The following ZNF236 variants were observed in gnomAD, a reference collection of about 807,000 sequenced individuals.
ZNF236 encodes the protein regulated by glucose.
A neutral mutation model predicts 191.2 loss-of-function variants in ZNF236; 50 were observed. The observed-to-expected ratio is 0.26, with a 90% confidence interval of 0.21 to 0.33. ZNF236 has a LOEUF of 0.33. Ranked by LOEUF, ZNF236 falls within the 10% of genes least tolerant of loss-of-function variation. The pLI, the probability that ZNF236 is intolerant of heterozygous loss-of-function variation, is 1.00. For synonymous variants in ZNF236, 907 were observed against 928.8 expected (o/e 0.98, Z 0.43); for missense variants, 1,754 against 2,374.5 (o/e 0.74, Z 5.43).
chr18:76,834,219 T>C (rs1178231930), intron 1 of ZNF236, among the ~76,000 whole-genome samples: 2 of 152,106 alleles, frequency 1.3e-5, no homozygotes, highest in Non-Finnish European at 2.9e-5. Flanking sequence ...GAGATTGTGC[T>C]TTTTCTTATT....
At chr18:76,940,850 A>G (rs1213372300) in intron 26 of ZNF236, among the ~76,000 whole-genome samples, 1 of 152,224 alleles carries the variant, frequency 6.6e-6, no homozygotes, top group East Asian at 1.9e-4. Flanking sequence ...CAGGCCGCAC[A>G]GCAGGGGTGA....
At chr18:76,958,568 G>A (rs1968581795) in intron 28 of ZNF236, among the ~76,000 whole-genome samples, 2 of 152,180 alleles carry the variant, frequency 1.3e-5, no homozygotes, top group African/African-American at 2.4e-5. Context: ...AGAAACAGGC[G>A]GCTCCATCCT....
intron 3 of ZNF236, among the ~76,000 whole-genome samples, chr18:76,853,609 G>A (rs1027804777): frequency 2.0e-5 from 3 of 152,140 alleles, no homozygotes; most frequent in African/African-American, 7.2e-5. Context: ...TAGGGGGATT[G>A]GGGAGCTGTT....
At chr18:76,866,712 T>C (rs930404775) in intron 3 of ZNF236, among the ~76,000 whole-genome samples, 30 of 152,154 alleles carry the variant, frequency 2.0e-4, no homozygotes, top group African/African-American at 5.8e-4. Flanking sequence ...ATGTTAACTC[T>C]GTATGGAGGG....
At chr18:76,876,711 T>C (rs1190270366) in intron 6 of ZNF236, among the ~76,000 whole-genome samples, 1 of 152,140 alleles carries the variant, frequency 6.6e-6, no homozygotes, top group Admixed American at 6.5e-5. Context: ...AAGAATAAAT[T>C]TGGGCTGTTG....
intron 5 of ZNF236, among the ~76,000 whole-genome samples, chr18:76,873,101 TGTAGA>T (rs55711467): frequency 0.24 from 35,765 of 151,918 alleles, 5,225 homozygotes; most frequent in East Asian, 0.32. Context: ...ACATTGTGTC[TGTAGA>T]GTATTCAGCT....
chr18:76,895,395 C>A, intron 10 of ZNF236, 110 bp downstream of exon 10: 1 of 1,408,388 alleles, frequency 7.1e-7, no homozygotes, highest in Non-Finnish European at 9.7e-7. Flanking sequence ...ACAGGTACTG[C>A]ACACAAGTAC....
intron 5 of ZNF236, among the ~76,000 whole-genome samples, chr18:76,874,648 A>G (rs1212104050): frequency 1.3e-5 from 2 of 152,262 alleles, no homozygotes; most frequent in East Asian, 3.9e-4. Context: ...TTTTAATGTT[A>G]AATGGAATGG....
At chr18:76,948,978 T>C (rs1180013434) in intron 27 of ZNF236, among the ~76,000 whole-genome samples, 1 of 152,226 alleles carries the variant, frequency 6.6e-6, no homozygotes, top group Non-Finnish European at 1.5e-5. Flanking sequence ...CAGGGGCTTA[T>C]GGGTGATGCT....
rs745463042 is a variant in ZNF236 at position 76,912,722 on chromosome 18, C to T, written c.2909+375C>T. Reference sequence around the variant, plus strand: ...GCTTTACATATAACAATCTGTGTACCAGGATACAGCACAATTAGAAAGACA... The same window carrying T: ...GCTTTACATATAACAATCTGTGTACTAGGATACAGCACAATTAGAAAGACA... On this transcript the variant is annotated intron_variant, in intron 17 of 30. Coordinates refer to ENST00000320610, the MANE Select transcript of ZNF236 (RefSeq NM_001306089.2). Among the ~76,000 whole-genome samples, 3 of 152,122 alleles carry T rather than the reference C, an allele frequency of 2.0e-5. 1 individual carries two copies. The highest frequency in any genetic ancestry group is 4.8e-5 in the African/African-American group (2 of 41,418).
At chr18:76,948,615 A>G (rs1968327353) in intron 27 of ZNF236, among the ~76,000 whole-genome samples, 1 of 152,214 alleles carries the variant, frequency 6.6e-6, no homozygotes, top group Non-Finnish European at 1.5e-5. Context: ...GAACCCAGGC[A>G]CGAGCTTCCC....
chr18:76,926,220 A>G (rs1053959691), intron 22 of ZNF236, among the ~76,000 whole-genome samples: 2 of 152,162 alleles, frequency 1.3e-5, no homozygotes, highest in Non-Finnish European at 2.9e-5. Context: ...TGTATGGTAT[A>G]AAGTGTATCT....
At chr18:76,881,185 A>G in intron 8 of ZNF236, 99 bp from the exon 9 acceptor site, 4 of 1,002,278 alleles carry the variant, frequency 4.0e-6, no homozygotes, top group Non-Finnish European at 4.4e-6. Context: ...TATTTCTTGG[A>G]GTGGAATTAG....
chr18:76,828,633 A>C (rs1257340952), intron 1 of ZNF236, among the ~76,000 whole-genome samples: 1 of 152,092 alleles, frequency 6.6e-6, no homozygotes, highest in East Asian at 1.9e-4. Context: ...CACTCTCCAT[A>C]ATTGAACTTT....
At chr18:76,829,597 G>A (rs1975111085) in intron 1 of ZNF236, among the ~76,000 whole-genome samples, 2 of 152,206 alleles carry the variant, frequency 1.3e-5, no homozygotes, top group African/African-American at 4.8e-5. Flanking sequence ...AAAGTGTTGG[G>A]ATTACAGGCA....
chr18:76,859,253 C>T (rs966938496), intron 3 of ZNF236, among the ~76,000 whole-genome samples: 40 of 145,156 alleles, frequency 2.8e-4, no homozygotes, highest in South Asian at 1.8e-3. Context: ...CAGGTGGAGG[C>T]GGGTGCAGGT....
chr18:76,875,535 CCAG>C lies in ZNF236; in HGVS notation c.712_714del (p.Gln238del). On this transcript the variant is annotated inframe_deletion, in exon 6 of 31. Coordinates refer to ENST00000320610, the MANE Select transcript of ZNF236 (RefSeq NM_001306089.2). This position sits in a 1 kb window ranked among gnomAD's most constrained non-coding sequence, Gnocchi z 4.3. ...GTAGTGAATGTGGAAAGGCTTTTAA[CCAG>C]AAGGGGGCACTGCAGACCCACATGA... The C allele has an allele frequency of 6.3e-7, 1 of 1,577,292 alleles. No individual in the cohort carries two copies. The highest frequency in any genetic ancestry group is 8.6e-7 in the Non-Finnish European group (1 of 1,159,008).
chr18:76,944,066 T>G (rs927099826), intron 26 of ZNF236, among the ~76,000 whole-genome samples: 2 of 152,220 alleles, frequency 1.3e-5, no homozygotes, highest in Non-Finnish European at 2.9e-5. Context: ...TTACAGCATT[T>G]CCCAGATTCA....
intron 12 of ZNF236, among the ~76,000 whole-genome samples, 164 bp from the exon 13 acceptor site, chr18:76,904,991 G>A (rs1325628650): frequency 6.6e-6 from 1 of 152,218 alleles, no homozygotes; most frequent in Non-Finnish European, 1.5e-5. Context: ...AGCACTCTGA[G>A]TCTCAGGCTT....
Sources: allele counts gnomAD v4.1 joint callset (sites outside exome capture counted in the v4.1 genomes callset), GRCh38; gene constraint gnomAD v4.1.1; non-coding constraint Gnocchi (gnomAD v3.1); transcripts MANE v1.5; gene names NCBI Gene and HGNC (gene_info 2026-07-23, HGNC 2026-07-21).